Variants in MTMR12 observed in about 807,000 individuals in gnomAD.
MTMR12 encodes the protein myotubularin-related protein 12.
A neutral mutation model predicts 96.7 loss-of-function variants in MTMR12; 33 were observed. The ratio of observed to expected loss-of-function variants is 0.34; its 90% CI spans 0.26 to 0.46. The LOEUF (loss-of-function observed/expected upper bound fraction) is 0.46, where lower values mean the gene tolerates loss of function less well. MTMR12 is among the 20% of genes least tolerant of loss of function. The pLI is 1.00. For missense variants in MTMR12, 721 were observed against 896.1 expected (o/e 0.80, Z 2.49); for synonymous variants, 298 against 327.2 (o/e 0.91, Z 0.96).
intron 15 of MTMR12, among the ~76,000 whole-genome samples, chr5:32,232,514 G>C (rs115277314): frequency 0.012 from 1,810 of 152,258 alleles, 33 homozygotes; most frequent in African/African-American, 0.042. Context: ...GGAGCCTTAG[G>C]TTCCTCCCGT....
intron 10 of MTMR12, among the ~76,000 whole-genome samples, chr5:32,246,154 G>A (rs1377701277): frequency 7.2e-6 from 1 of 137,956 alleles, no homozygotes; most frequent in Non-Finnish European, 1.6e-5. Context: ...TGGTTTCGGT[G>A]CCTATTGAGT....
At position 32,248,037 on chromosome 5, in the gene MTMR12, G is replaced by A. The variant is rs200674748; in HGVS notation, c.986C>T (p.Thr329Ile). The A allele has an allele frequency of 1.2e-6, 2 of 1,614,086 alleles. No homozygotes were observed. The highest frequency in any genetic ancestry group is 2.2e-5 in the East Asian group (1 of 44,890). ...TAGCTGTTTAAATTTAGAGTATGCA[G>A]TCTGGATTTCCTGCAGGGACAGGAA... The part of the protein sequence containing the change: ...SNFLSLQEIQ[T>I]AYSKFKQLFL... The change falls in exon 10 of 16, where the codon ACT (threonine) becomes ATT (isoleucine). Residue 329 changes from threonine to isoleucine, a missense_variant. Coordinates refer to ENST00000382142, the MANE Select transcript of MTMR12 (RefSeq NM_001040446.3).
intron 1 of MTMR12, among the ~76,000 whole-genome samples, chr5:32,287,297 C>G (rs1032607384): frequency 6.6e-6 from 1 of 152,104 alleles, no homozygotes; most frequent in South Asian, 2.1e-4. Context: ...ATCTGGTGGA[C>G]CAATCTAATC....
At chr5:32,264,423 T>C (rs1749510740) in intron 6 of MTMR12, among the ~76,000 whole-genome samples, 1 of 151,968 alleles carries the variant, frequency 6.6e-6, no homozygotes, top group South Asian at 2.1e-4. Context: ...AGTGCTTATA[T>C]AGCACTTACT....
chr5:32,292,903 CCTT>C lies in MTMR12; in HGVS notation c.82-16164_82-16162del, dbSNP rs1057504789. On this transcript the variant is annotated intron_variant, in intron 1 of 15. Transcript: ENST00000382142. Reference sequence around the variant, plus strand: ...ACTGTAATTGTCATGAGTATTTCCTCCTTCTTTTGTTAAAAACATGTTTGTGCA... The same window carrying C: ...ACTGTAATTGTCATGAGTATTTCCTCCTTTTGTTAAAAACATGTTTGTGCA... Among the ~76,000 whole-genome samples the C allele has an allele frequency of 5.3e-5, 8 of 152,226 alleles. No individual in the cohort carries two copies. The East Asian group carries it at 5.9e-4, about 11-fold the overall frequency.
intron 9 of MTMR12, among the ~76,000 whole-genome samples, chr5:32,248,428 G>T (rs763218025): frequency 6.1e-5 from 8 of 131,038 alleles, no homozygotes; most frequent in South Asian, 2.4e-4. Flanking sequence ...TCTACTTTGG[G>T]TTTTTTTTGC....
rs543291747 is a variant in MTMR12, at chr5:32,300,648, T to C, written c.81+12110A>G. Among the ~76,000 whole-genome samples the C allele has an allele frequency of 5.3e-5, 8 of 152,310 alleles. No homozygotes were observed. The South Asian group carries it at 8.3e-4, about 16-fold the overall frequency. ...TACTGCGCTCCTCAGGTACTACTTA[T>C]AGGTACATCAGGTTCTTCCTGTCAC... is the stretch of plus-strand genomic sequence containing the variant. On this transcript the variant is annotated intron_variant, in intron 1 of 15. Transcript: ENST00000382142.
intron 1 of MTMR12, among the ~76,000 whole-genome samples, chr5:32,291,107 C>T (rs896489786): frequency 3.3e-5 from 5 of 152,160 alleles, no homozygotes; most frequent in African/African-American, 4.8e-5. Flanking sequence ...CACCTGCCAC[C>T]GTACCTTCTG....
chr5:32,272,117 CCATCTCT>C (rs1276033789), intron 3 of MTMR12, among the ~76,000 whole-genome samples: 1 of 151,888 alleles, frequency 6.6e-6, no homozygotes, highest in East Asian at 1.9e-4. Flanking sequence ...CGGTGAAACC[CCATCTCT>C]ACTAAAAATA....
In MTMR12 at chr5:32,255,878, AC is replaced by A. The variant is rs1326948196; in HGVS notation, c.714-111del. 17 of 938,314 alleles carry A rather than the reference AC, an allele frequency of 1.8e-5. No individual in the cohort carries two copies. The African/African-American group carries it at 2.7e-4, about 15-fold the overall frequency. The allele number at this position is 938,314 out of a possible 1,614,324, so 58.1% of individuals were successfully genotyped here. On this transcript the variant is annotated intron_variant, in intron 7 of 15. Transcript: ENST00000382142. Reference sequence around the variant, plus strand: ...ACAAGCAGAGTGTTAAGCAGATGGGACCATATTTCCCTGTTCAGAACCAGCT... The same window carrying A: ...ACAAGCAGAGTGTTAAGCAGATGGGACATATTTCCCTGTTCAGAACCAGCT...
At position 32,303,858 on chromosome 5, in the gene MTMR12, A is replaced by C. The variant is rs545263750; in HGVS notation, c.81+8900T>G. Among the ~76,000 whole-genome samples the C allele has an allele frequency of 5.0e-3, 763 of 151,446 alleles. 6 individuals are homozygous for C. Among genetic ancestry groups the C allele is most frequent in the African/African-American group, 0.018 (730 of 41,338 alleles). On this transcript the variant is annotated intron_variant, in intron 1 of 15. Coordinates refer to ENST00000382142, the MANE Select transcript of MTMR12 (RefSeq NM_001040446.3). ...CCTCTTTGCCATCTCAAAAAAAAAA[A>C]AAAAAAAAAAAAACCACAACACATC...
chr5:32,238,927 C>G (rs1748346294), intron 13 of MTMR12, 74 bp downstream of exon 13: 2 of 1,401,198 alleles, frequency 1.4e-6, no homozygotes, highest in Non-Finnish European at 1.9e-6. Flanking sequence ...CCTACTACAT[C>G]TGATGACAGG....
intron 7 of MTMR12, among the ~76,000 whole-genome samples, chr5:32,258,049 C>T (rs958185551): frequency 1.3e-5 from 2 of 151,922 alleles, no homozygotes; most frequent in Non-Finnish European, 2.9e-5. Flanking sequence ...ATCGCTTGAG[C>T]CCAGGGGGTA....
chr5:32,285,964 C>T (rs1210006294), intron 1 of MTMR12, among the ~76,000 whole-genome samples: 2 of 152,156 alleles, frequency 1.3e-5, no homozygotes, highest in Non-Finnish European at 2.9e-5. Context: ...CTCAGAGTTG[C>T]AAAATGACCC....
intron 1 of MTMR12, among the ~76,000 whole-genome samples, chr5:32,309,177 T>A (rs2111555154): frequency 6.6e-6 from 1 of 152,336 alleles, no homozygotes; most frequent in Non-Finnish European, 1.5e-5. Flanking sequence ...TTACAACATG[T>A]GCACTTGGTG....
chr5:32,232,529 C>T (rs1748038408), intron 15 of MTMR12, among the ~76,000 whole-genome samples: 1 of 152,216 alleles, frequency 6.6e-6, no homozygotes, highest in Non-Finnish European at 1.5e-5. Flanking sequence ...TCCCGTAACA[C>T]AACAGACGTT....
At chr5:32,263,609 T>G (rs1252495239) in intron 6 of MTMR12, among the ~76,000 whole-genome samples, 1 of 152,098 alleles carries the variant, frequency 6.6e-6, no homozygotes, top group East Asian at 1.9e-4. Context: ...GGCTAATTTT[T>G]GTATTTTTAG....
chr5:32,279,509 T>C (rs1750200591), intron 1 of MTMR12, among the ~76,000 whole-genome samples: 1 of 152,200 alleles, frequency 6.6e-6, no homozygotes, highest in Non-Finnish European at 1.5e-5. Flanking sequence ...CTAACAAACA[T>C]GGTCTCCAGT....
At chr5:32,249,312 G>C (rs930482752) in intron 8 of MTMR12, among the ~76,000 whole-genome samples, 2 of 152,162 alleles carry the variant, frequency 1.3e-5, no homozygotes, top group African/African-American at 4.8e-5. Flanking sequence ...GGCTTGGAGA[G>C]ATGGAAGGAC....
Sources: gnomAD v4.1 joint callset for allele counts (sites outside exome capture counted in the v4.1 genomes callset) on GRCh38, gnomAD v4.1.1 for gene constraint, MANE v1.5 for transcripts, NCBI Gene and HGNC (gene_info 2026-07-23, HGNC 2026-07-21) for gene names.